The following SIDT2 variants were observed in gnomAD, a reference collection of about 807,000 sequenced individuals.
The protein encoded by SIDT2 is SID1 transmembrane family, member 2.
A neutral mutation model predicts 114.4 loss-of-function variants in SIDT2; 68 were observed. That is an observed-to-expected ratio of 0.59 (90% CI 0.49 to 0.73). SIDT2 has a LOEUF of 0.73. Among genes scored for constraint, SIDT2 ranks in the 30% least tolerant of loss-of-function variants. SIDT2 has a pLI of 0.00. For missense variants in SIDT2, 918 were observed against 1,097.1 expected (o/e 0.84, Z 2.31); for synonymous variants, 470 against 438.4 (o/e 1.07, Z -0.90).
Position 117,192,364 on chromosome 11 carries a change from TA to T in SIDT2, c.1981+4del. On this transcript the variant is annotated splice_donor_region_variant and intron_variant, in intron 20 of 25. Coordinates refer to ENST00000324225, the MANE Select transcript of SIDT2 (RefSeq NM_001040455.2). The surrounding 1 kb of genome is among the most constrained non-coding windows in gnomAD (Gnocchi z 5.9). ...ATTACATGGGCCGGTGGAAACTGGG[TA>T]AGGGCACGCCCGGGGCAGGGCCTGG... 1 of 1,577,854 alleles carries T rather than the reference TA, an allele frequency of 6.3e-7. No homozygotes were observed. Among genetic ancestry groups the T allele is most frequent in the Non-Finnish European group, 8.7e-7 (1 of 1,147,958 alleles).
chr11:117,179,843 A>C (rs1339042526), intron 1 of SIDT2: 2 of 168,936 alleles, frequency 1.2e-5, no homozygotes, highest in African/African-American at 4.8e-5. Flanking sequence ...CCCAGAACTG[A>C]AAAGCTCTGT....
Position 117,193,234 on chromosome 11 carries a change from C to T in SIDT2, c.2187C>T (p.Tyr729=), listed in dbSNP as rs763870198. 42 of 1,613,822 alleles carry T rather than the reference C, an allele frequency of 2.6e-5. No homozygotes were observed. Among genetic ancestry groups the T allele is most frequent in the Non-Finnish European group, 3.5e-5 (41 of 1,179,894 alleles). Residue 729 remains tyrosine (Y), a synonymous_variant, in exon 23 of 26, where the codon TAC becomes TAT. Transcript: ENST00000324225. ...LAIGICNLLL[Y]FAFYIIMKLR... ...TTGGCATCTGCAACCTGCTCCTTTA[C>T]TTCGCCTTCTACATCATCATGAAGG...
chr11:117,188,668 G>A lies in SIDT2; in HGVS notation c.1160-40G>A. 6.6e-7 allele frequency: 1 copy of A among 1,516,536 alleles called. No homozygotes were observed. Among genetic ancestry groups the A allele is most frequent in the Admixed American group, 1.7e-5 (1 of 59,830 alleles). 93.9% of individuals were successfully genotyped at this position (1,516,536 alleles called of 1,614,324 possible). ...ATGGGCGAGGGCCACTGTGGGTTTT[G>A]TGTCCACCGGTGCAACCCCTCCCTC... On this transcript the variant is annotated intron_variant, in intron 12 of 25. Coordinates refer to ENST00000324225, the MANE Select transcript of SIDT2 (RefSeq NM_001040455.2). This position sits in a 1 kb window ranked among gnomAD's most constrained non-coding sequence, Gnocchi z 4.0.
At chr11:117,182,368 G>A in intron 4 of SIDT2, 151 bp from the exon 5 acceptor site, 1 of 750,082 alleles carries the variant, frequency 1.3e-6, no homozygotes, top group South Asian at 1.7e-5. Flanking sequence ...GAAAGGGGCT[G>A]CTGTGATCAA....
chr11:117,182,134 G>A (rs1241979087), intron 4 of SIDT2, 29 bp downstream of exon 4: 2 of 1,612,712 alleles, frequency 1.2e-6, no homozygotes, highest in Non-Finnish European at 1.7e-6. Context: ...TTGCTCGAGA[G>A]GAGAAATGGG....
intron 10 of SIDT2, chr11:117,187,091 G>T: frequency 6.9e-7 from 1 of 1,446,788 alleles, no homozygotes; most frequent in East Asian, 2.8e-5. Flanking sequence ...GCTCGTGGGC[G>T]GGCCAGTGTT....
chr11:117,182,677 G>C (rs2030337678), intron 5 of SIDT2, 46 bp from the exon 6 acceptor site: 1 of 1,613,954 alleles, frequency 6.2e-7, no homozygotes, highest in African/African-American at 1.3e-5. Flanking sequence ...CTAAAGAGAG[G>C]GGCAGGCCAG....
chr11:117,183,829 C>G lies in SIDT2; in HGVS notation c.753C>G (p.Thr251=), dbSNP rs368934063. 9.9e-6 allele frequency: 16 copies of G among 1,613,918 alleles called. 1 individual carries two copies. In the Admixed American group the frequency reaches 1.7e-4, roughly 17 times the overall value. Residue 251 remains threonine, a synonymous_variant, in exon 7 of 26, where the codon ACC becomes ACG. Coordinates refer to ENST00000324225, the MANE Select transcript of SIDT2 (RefSeq NM_001040455.2). The part of the protein sequence containing the change: ...NSFYVVVVVK[T]EDQACGGSLP... ...TTTATGTGGTGGTGGTGGTGAAGAC[C>G]GAAGACCAAGCCTGCGGGGGCTCCC...
rs769459473 is a variant in SIDT2 at position 117,184,097 on chromosome 11, C to T, written c.826C>T (p.Arg276Cys). 5.0e-6 allele frequency: 8 copies of T among 1,614,112 alleles called. No homozygotes were observed. The highest frequency in any genetic ancestry group is 1.6e-4 in the Middle Eastern group (1 of 6,062). ...AEDEPVDQGH[R>C]QKTLSVLVSQ... ...AGATGAACCGGTCGATCAAGGGCAC[C>T]GCCAGAAAACCCTGTCAGTGCTGGT... The change falls in exon 8 of 26, where the codon CGC (arginine) becomes TGC (cysteine). Residue 276 changes from arginine to cysteine, a missense_variant. Arg to Cys is a radical substitution (Grantham distance 180). Coordinates refer to ENST00000324225, the MANE Select transcript of SIDT2 (RefSeq NM_001040455.2).
intron 10 of SIDT2, 81 bp from the exon 11 acceptor site, chr11:117,187,297 C>G: frequency 5.0e-6 from 7 of 1,389,640 alleles, no homozygotes; most frequent in Non-Finnish European, 7.2e-6. Context: ...GCTGTCTTCT[C>G]TGGACCTTTC....
chr11:117,182,531 G>T lies in SIDT2; in HGVS notation c.529G>T (p.Glu177Ter). The T allele has an allele frequency of 6.2e-7, 1 of 1,613,994 alleles. No individual in the cohort carries two copies. The highest frequency in any genetic ancestry group is 1.1e-5 in the South Asian group (1 of 91,072). Reference sequence around the variant, plus strand: ...CCTGCACCCTCAGTACTTCAAGTATGAGTTCCCTGAAGGCGTGGACTCGGT... The same window carrying T: ...CCTGCACCCTCAGTACTTCAAGTATTAGTTCCCTGAAGGCGTGGACTCGGT... The part of the protein sequence containing the change: ...TAAQPQYFKY[E>*]FPEGVDSVIV... The change falls in exon 5 of 26, where the codon GAG becomes TAG. Residue 177 changes from glutamate to a stop codon, truncating the protein, a stop_gained. Coordinates refer to ENST00000324225, the MANE Select transcript of SIDT2 (RefSeq NM_001040455.2). LOFTEE classifies it high-confidence loss of function.
Position 117,192,068 on chromosome 11 carries a change from G to A in SIDT2, c.1872+54G>A, listed in dbSNP as rs142039675. ...TGTATGATAGGAAAGGTGCACGTGCGTTCAGACACGTAGTGCACACCCTCC... is the reference window on the plus strand; with the variant it reads ...TGTATGATAGGAAAGGTGCACGTGCATTCAGACACGTAGTGCACACCCTCC... On this transcript the variant is annotated intron_variant, in intron 19 of 25. Coordinates refer to ENST00000324225, the MANE Select transcript of SIDT2 (RefSeq NM_001040455.2). This position sits in a 1 kb window ranked among gnomAD's most constrained non-coding sequence, Gnocchi z 5.9. 1.9e-4 allele frequency: 309 copies of A among 1,608,386 alleles called. No individual in the cohort carries two copies. The African/African-American group carries it at 3.3e-3, about 17-fold the overall frequency.
Position 117,192,926 on chromosome 11 carries a change from C to G in SIDT2, c.2105+60C>G, listed in dbSNP as rs1228413902. On this transcript the variant is annotated intron_variant, in intron 22 of 25. Coordinates refer to ENST00000324225, the MANE Select transcript of SIDT2 (RefSeq NM_001040455.2). This position sits in a 1 kb window ranked among gnomAD's most constrained non-coding sequence, Gnocchi z 5.9. The stretch of plus-strand genomic sequence containing the variant: ...GGACAGCTGGGGACTCGGTCAGCCA[C>G]TGGCTGCCTTGGGGGCTAAGGACAA... 41 of 1,602,808 alleles carry G rather than the reference C, an allele frequency of 2.6e-5. No individual in the cohort carries two copies. Among genetic ancestry groups the G allele is most frequent in the South Asian group, 8.8e-5 (8 of 90,896 alleles).
chr11:117,187,461 A>C lies in SIDT2; in HGVS notation c.1087+12A>C. On this transcript the variant is annotated intron_variant, in intron 11 of 25. Transcript: ENST00000324225. ...CTATGGCTCCTTTGGTACGTGTCAAAGCCAGCACCGTGCTTGCTGGGGACA... is the reference window on the plus strand; with the variant it reads ...CTATGGCTCCTTTGGTACGTGTCAACGCCAGCACCGTGCTTGCTGGGGACA... 1 of 1,613,720 alleles carries C rather than the reference A, an allele frequency of 6.2e-7. No homozygotes were observed.
At position 117,179,413 on chromosome 11, in the gene SIDT2, C is replaced by T. The variant is rs764309780; in HGVS notation, c.150C>T (p.Ile50=). The change falls in exon 1 of 26, where the codon ATC becomes ATT. Residue 50 remains isoleucine, a synonymous_variant. Coordinates refer to ENST00000324225, the MANE Select transcript of SIDT2 (RefSeq NM_001040455.2). The stretch of plus-strand genomic sequence containing the variant: ...AGGTCAACAGCGAGCTGGTCAACAT[C>T]TACACCTTCAACCATACTGTGACCC... ...VDEVNSELVN[I]YTFNHTVTRN... 4 of 1,614,066 alleles carry T rather than the reference C, an allele frequency of 2.5e-6. No individual in the cohort carries two copies. Among genetic ancestry groups the T allele is most frequent in the Admixed American group, 1.7e-5 (1 of 60,020 alleles).
intron 2 of SIDT2, 27 bp from the exon 3 acceptor site, chr11:117,181,780 A>G (rs1167417697): frequency 6.2e-7 from 1 of 1,613,860 alleles, no homozygotes; most frequent in Non-Finnish European, 8.5e-7. Flanking sequence ...CAGTGCTCAC[A>G]TCCTATCTCC....
chr11:117,182,899 A>C, intron 6 of SIDT2, 93 bp downstream of exon 6: 2 of 1,362,650 alleles, frequency 1.5e-6, no homozygotes, highest in Non-Finnish European at 2.0e-6. Context: ...GCCCATTCCT[A>C]TCCTACACAC....
Position 117,190,839 on chromosome 11 carries a change from C to G in SIDT2, c.1735+99C>G. Reference sequence around the variant, plus strand: ...CACCCACAGGGATCGCTAAGACACCCCTGTAGGAAACTCCAAGGCTGGCGT... The same window carrying G: ...CACCCACAGGGATCGCTAAGACACCGCTGTAGGAAACTCCAAGGCTGGCGT... On this transcript the variant is annotated intron_variant, in intron 18 of 25. Coordinates refer to ENST00000324225, the MANE Select transcript of SIDT2 (RefSeq NM_001040455.2). The surrounding 1 kb of genome is among the most constrained non-coding windows in gnomAD (Gnocchi z 4.1). 1.1e-6 allele frequency: 1 copy of G among 948,448 alleles called. No homozygotes were observed. The highest frequency in any genetic ancestry group is 1.7e-6 in the Non-Finnish European group (1 of 593,400). The allele number at this position is 948,448 out of a possible 1,614,324, so 58.8% of individuals were successfully genotyped here. A position where few individuals can be genotyped will look rare whatever the true frequency, so the allele number is the denominator to read the frequency against.
chr11:117,180,142 C>A (rs1004011646), intron 1 of SIDT2, among the ~76,000 whole-genome samples: 9 of 152,220 alleles, frequency 5.9e-5, no homozygotes, highest in African/African-American at 1.9e-4. Context: ...AGAATTCTTG[C>A]AACCTGGCTG....
Sources: gnomAD v4.1 joint callset for allele counts (sites outside exome capture counted in the v4.1 genomes callset) on GRCh38, gnomAD v4.1.1 for gene constraint, Gnocchi (gnomAD v3.1) non-coding constraint, MANE v1.5 for transcripts, NCBI Gene and HGNC (gene_info 2026-07-23, HGNC 2026-07-21) for gene names.